Variants in AGBL4 observed in about 807,000 individuals in gnomAD.
AGBL4 encodes cytosolic carboxypeptidase 6.
AGBL4 carries 58 observed loss-of-function variants against 66.4 expected under a neutral mutation model. That is an observed-to-expected ratio of 0.87 (90% CI 0.71 to 1.09). The LOEUF is 1.09. Among genes scored for constraint, AGBL4 ranks in the 50% least tolerant of loss-of-function variants. The pLI, the probability that AGBL4 is intolerant of heterozygous loss-of-function variation, is 0.00. For synonymous variants in AGBL4, 234 were observed against 222.9 expected, an observed-to-expected ratio of 1.05 and a Z score of -0.44; for missense variants, 579 against 631.0, an observed-to-expected ratio of 0.92 and a Z score of 0.88.
intron 2 of AGBL4, chr1:49,842,241 C>T: frequency 2.2e-6 from 1 of 444,938 alleles, no homozygotes; most frequent in South Asian, 1.9e-5. Context: ...GCCCAGAGGG[C>T]CCTGTACTAT....
At chr1:49,280,573 T>G (rs1021144628) in intron 3 of AGBL4, among the ~76,000 whole-genome samples, 1 of 152,158 alleles carries the variant, frequency 6.6e-6, no homozygotes, top group Non-Finnish European at 1.5e-5. Context: ...GAGAGGATTC[T>G]AAAAAGTTCA....
intron 4 of AGBL4, among the ~76,000 whole-genome samples, chr1:49,106,816 T>G (rs1363804531): frequency 1.3e-5 from 2 of 152,304 alleles, no homozygotes; most frequent in East Asian, 3.9e-4. Context: ...CCTTCCAATA[T>G]TATTGTCTCA....
chr1:49,162,754 G>A (rs1174075682), intron 4 of AGBL4, among the ~76,000 whole-genome samples: 1 of 152,108 alleles, frequency 6.6e-6, no homozygotes, highest in African/African-American at 2.4e-5. Context: ...ACCTTTCTGA[G>A]TTTTGGTTTT....
At chr1:49,192,529 C>A (rs1647141328) in intron 4 of AGBL4, among the ~76,000 whole-genome samples, 1 of 152,202 alleles carries the variant, frequency 6.6e-6, no homozygotes, top group Non-Finnish European at 1.5e-5. Flanking sequence ...AAACTCCTGA[C>A]CTCAGGTGAT....
chr1:49,823,438 G>A (rs927554470), intron 2 of AGBL4, among the ~76,000 whole-genome samples: 10 of 152,118 alleles, frequency 6.6e-5, no homozygotes, highest in African/African-American at 1.4e-4. Context: ...ATTAATACAC[G>A]TTGGTTGTTC....
chr1:49,209,875 T>C (rs1648532566), intron 4 of AGBL4, among the ~76,000 whole-genome samples: 2 of 152,132 alleles, frequency 1.3e-5, no homozygotes, highest in South Asian at 4.1e-4. Flanking sequence ...ACCAATATGA[T>C]GACTGGTACA....
rs12069258 is a variant in AGBL4 at position 49,554,147 on chromosome 1, C to A, written c.282+143166G>T. ...GATCCTGTCTAGAAACACACACACA[C>A]ACACAGTCTCAGAGCTAAGACATAT... On this transcript the variant is annotated intron_variant, in intron 3 of 13. Transcript: ENST00000371839. 2.1e-3 allele frequency among the ~76,000 whole-genome samples: 315 copies of A among 152,312 alleles called. 4 individuals carry two copies. Among genetic ancestry groups the A allele is most frequent in the African/African-American group, 7.1e-3 (293 of 41,554 alleles).
intron 5 of AGBL4, among the ~76,000 whole-genome samples, chr1:48,999,667 C>G (rs964938447): frequency 3.3e-5 from 5 of 152,118 alleles, no homozygotes. Context: ...CTTTCTCTCA[C>G]TGGGTCTCTA....
chr1:49,614,241 T>A (rs1645208508), intron 3 of AGBL4, among the ~76,000 whole-genome samples: 1 of 152,270 alleles, frequency 6.6e-6, no homozygotes, highest in African/African-American at 2.4e-5. Context: ...ATAACCACTA[T>A]CCTGAATTTT....
At chr1:48,865,547 A>G (rs1436519088) in intron 6 of AGBL4, among the ~76,000 whole-genome samples, 1 of 152,062 alleles carries the variant, frequency 6.6e-6, no homozygotes, top group African/African-American at 2.4e-5. Context: ...AAACTCCGGC[A>G]GTGCTGATTT....
At chr1:49,050,514 C>T (rs1644188331) in intron 4 of AGBL4, among the ~76,000 whole-genome samples, 2 of 152,090 alleles carry the variant, frequency 1.3e-5, no homozygotes, top group Admixed American at 6.6e-5. Context: ...ATAATGTCAG[C>T]TCCACTAATA....
At chr1:48,891,326 GAAAA>G (rs1172093862) in intron 5 of AGBL4, among the ~76,000 whole-genome samples, 1 of 152,092 alleles carries the variant, frequency 6.6e-6, no homozygotes, top group African/African-American at 2.4e-5. Flanking sequence ...CAAAGAATCA[GAAAA>G]AAGCTGAACT....
chr1:49,104,054 A>C (rs886085003), intron 4 of AGBL4, among the ~76,000 whole-genome samples: 1 of 152,144 alleles, frequency 6.6e-6, no homozygotes, highest in African/African-American at 2.4e-5. Context: ...GGAACATGCT[A>C]TGCACTAGCA....
intron 3 of AGBL4, among the ~76,000 whole-genome samples, chr1:49,465,170 A>G (rs568572847): frequency 1.5e-4 from 22 of 148,262 alleles, no homozygotes; most frequent in Non-Finnish European, 2.2e-4. Context: ...GGAAACAATA[A>G]TCTCCCAACC....
intron 9 of AGBL4, among the ~76,000 whole-genome samples, chr1:48,621,934 C>T (rs1449619878): frequency 6.6e-6 from 1 of 152,010 alleles, no homozygotes; most frequent in East Asian, 1.9e-4. Context: ...TTTTACAACC[C>T]AGAAACTCAT....
intron 3 of AGBL4, among the ~76,000 whole-genome samples, chr1:49,320,440 T>C (rs1645113253): frequency 6.6e-6 from 1 of 152,108 alleles, no homozygotes; most frequent in Non-Finnish European, 1.5e-5. Flanking sequence ...CTACAGTGTA[T>C]ACAGAGAAGA....
At chr1:48,674,522 T>G (rs1646332887) in intron 6 of AGBL4, among the ~76,000 whole-genome samples, 2 of 85,050 alleles carry the variant, frequency 2.4e-5, no homozygotes, top group Non-Finnish European at 2.5e-5. Flanking sequence ...GTTGGGCGCG[T>G]TGGGGCGGGG....
At chr1:49,273,980 C>G (rs1005551528) in intron 3 of AGBL4, among the ~76,000 whole-genome samples, 16 of 152,282 alleles carry the variant, frequency 1.1e-4, no homozygotes, top group African/African-American at 3.6e-4. Flanking sequence ...CCATGCCCAG[C>G]TGATTTTTGT....
intron 4 of AGBL4, among the ~76,000 whole-genome samples, chr1:49,223,236 G>T (rs763603126): frequency 6.6e-6 from 1 of 152,142 alleles, no homozygotes; most frequent in Admixed American, 6.6e-5. Context: ...GAAATACCAA[G>T]ATGGTAAGAG....
Sources: gnomAD v4.1 joint callset for allele counts (sites outside exome capture counted in the v4.1 genomes callset) on GRCh38, gnomAD v4.1.1 for gene constraint, MANE v1.5 for transcripts, NCBI Gene and HGNC (gene_info 2026-07-23, HGNC 2026-07-21) for gene names.